Variants in OSBPL2 observed in about 807,000 individuals in gnomAD.
OSBPL2 encodes oxysterol-binding protein-related protein 2.
A neutral mutation model predicts 58.4 loss-of-function variants in OSBPL2; 18 were observed. That is an observed-to-expected ratio of 0.31 (90% CI 0.21 to 0.46). The LOEUF (loss-of-function observed/expected upper bound fraction) is 0.46. Ranked by LOEUF, OSBPL2 falls within the 20% of genes least tolerant of loss-of-function variation. The pLI is 1.00. For synonymous variants in OSBPL2, 221 were observed against 234.1 expected (o/e 0.94, Z 0.51); for missense variants, 461 against 616.5 (o/e 0.75, Z 2.67).
At chr20:62,260,853 G>A (rs1259098396) in intron 3 of OSBPL2, among the ~76,000 whole-genome samples, 1 of 152,092 alleles carries the variant, frequency 6.6e-6, no homozygotes, top group Admixed American at 6.5e-5. Context: ...AGCTGGGCAT[G>A]GTGGTGCACG....
At chr20:62,276,477 C>G (rs920272715) in intron 6 of OSBPL2, among the ~76,000 whole-genome samples, 2 of 152,238 alleles carry the variant, frequency 1.3e-5, no homozygotes, top group South Asian at 4.1e-4. Context: ...CTGTTCCTGG[C>G]TCATCCTGGC....
intron 10 of OSBPL2, 89 bp from the exon 11 acceptor site, chr20:62,286,494 T>C (rs1420242096): frequency 2.1e-6 from 3 of 1,420,582 alleles, no homozygotes; most frequent in Non-Finnish European, 2.9e-6. Flanking sequence ...CTCAGGTGAC[T>C]GGTCTGAAAG....
At chr20:62,282,942 C>T (rs1430410454) in intron 9 of OSBPL2, among the ~76,000 whole-genome samples, 1 of 152,198 alleles carries the variant, frequency 6.6e-6, no homozygotes, top group Non-Finnish European at 1.5e-5. Flanking sequence ...GACCATTTCT[C>T]CCATAAAACA....
chr20:62,278,489 C>T (rs1274167504), intron 6 of OSBPL2: 12 of 155,820 alleles, frequency 7.7e-5, no homozygotes, highest in African/African-American at 3.2e-4. Flanking sequence ...AACATTAGGC[C>T]AAGTGCGATG....
chr20:62,269,411 G>A lies in OSBPL2; in HGVS notation c.259-2714G>A, dbSNP rs746523210. Among the ~76,000 whole-genome samples the A allele has an allele frequency of 8.5e-5, 13 of 152,194 alleles. No homozygotes were observed. The highest frequency in any genetic ancestry group is 2.1e-4 in the South Asian group (1 of 4,836). The stretch of plus-strand genomic sequence containing the variant: ...GCTGCTGGGTCAGGGGCAAATACCC[G>A]TAGAGTTTGCTAGAAGCAGCCCAGT... On this transcript the variant is annotated intron_variant, in intron 4 of 13. Transcript: ENST00000313733. This position sits in a 1 kb window ranked among gnomAD's most constrained non-coding sequence, Gnocchi z 4.2.
Position 62,294,129 on chromosome 20 carries a change from A to G in OSBPL2, c.*242A>G, listed in dbSNP as rs903724174. On this transcript the variant is annotated 3_prime_UTR_variant, in exon 14 of 14. Transcript: ENST00000313733. The stretch of plus-strand genomic sequence containing the variant: ...TCATCGTCTTCATTAAGGTTTCAAC[A>G]GGGAAATTCTTCACGGCGCCCTTTT... 7.4e-5 allele frequency: 42 copies of G among 571,008 alleles called. No individual in the cohort carries two copies. The highest frequency in any genetic ancestry group is 1.5e-4 in the Admixed American group (4 of 27,084). The allele number at this position is 571,008 out of a possible 1,614,324, so 35.4% of individuals were successfully genotyped here.
chr20:62,290,281 G>GC (rs1983406748), intron 12 of OSBPL2, among the ~76,000 whole-genome samples: 1 of 152,180 alleles, frequency 6.6e-6, no homozygotes, highest in East Asian at 1.9e-4. Context: ...TGTAGCCCAG[G>GC]CTGGACTATA....
intron 1 of OSBPL2, chr20:62,255,226 T>C (rs1467565364): frequency 1.3e-5 from 2 of 151,958 alleles, no homozygotes; most frequent in Non-Finnish European, 2.9e-5. Flanking sequence ...GCCTACTGAG[T>C]AGCTGGGATT....
At chr20:62,263,369 G>T (rs1402538686) in intron 3 of OSBPL2, among the ~76,000 whole-genome samples, 1 of 152,136 alleles carries the variant, frequency 6.6e-6, no homozygotes, top group Non-Finnish European at 1.5e-5. Context: ...CAACAGCAGG[G>T]CCACTGCGGG....
chr20:62,267,670 C>T (rs968706066), intron 4 of OSBPL2, among the ~76,000 whole-genome samples: 5 of 152,174 alleles, frequency 3.3e-5, no homozygotes, highest in Admixed American at 3.3e-4. Context: ...GTCTGCGTCT[C>T]TTTTCTCCCT....
Position 62,269,381 on chromosome 20 carries a change from G to T in OSBPL2, c.259-2744G>T, listed in dbSNP as rs1035270863. Reference sequence around the variant, plus strand: ...GGCTCTGTGGGATAGGTTCCTAGAAGTGGGGCTGCTGGGTCAGGGGCAAAT... The same window carrying T: ...GGCTCTGTGGGATAGGTTCCTAGAATTGGGGCTGCTGGGTCAGGGGCAAAT... On this transcript the variant is annotated intron_variant, in intron 4 of 13. Transcript: ENST00000313733. The surrounding 1 kb of genome is among the most constrained non-coding windows in gnomAD (Gnocchi z 4.2). Among the ~76,000 whole-genome samples the T allele has an allele frequency of 6.6e-6, 1 of 152,232 alleles. No individual in the cohort carries two copies. The highest frequency in any genetic ancestry group is 2.1e-4 in the South Asian group (1 of 4,830).
intron 5 of OSBPL2, among the ~76,000 whole-genome samples, chr20:62,272,975 GTGCT>G (rs1194152048): frequency 1.3e-5 from 2 of 152,272 alleles, no homozygotes; most frequent in African/African-American, 2.4e-5. Flanking sequence ...CTGTGAATGA[GTGCT>G]TGGGGTGTGT....
In OSBPL2 at chr20:62,291,498, C is replaced by T. The variant is rs1035763467; in HGVS notation, c.1250-205C>T. 9.8e-6 allele frequency: 6 copies of T among 614,432 alleles called. No individual in the cohort carries two copies. In the Admixed American group the frequency reaches 1.4e-4, roughly 14 times the overall value. 38.1% of individuals were successfully genotyped at this position (614,432 alleles called of 1,614,324 possible). A position where few individuals can be genotyped will look rare whatever the true frequency, so the allele number is the denominator to read the frequency against. ...CATGCAGCCCCCATGCTCTACTCAG[C>T]TCCGCTTGGGAAGGGCCCTGTTGGC... is the stretch of plus-strand genomic sequence containing the variant. On this transcript the variant is annotated intron_variant, in intron 12 of 13. Transcript: ENST00000313733.
intron 7 of OSBPL2, chr20:62,280,057 C>T (rs759209965): frequency 7.1e-5 from 93 of 1,304,186 alleles, no homozygotes; most frequent in Non-Finnish European, 8.6e-5. Context: ...CAACAAATGC[C>T]GGCCGCTAAG....
chr20:62,279,911 T>G (rs1601190915), intron 7 of OSBPL2: 9 of 1,280,228 alleles, frequency 7.0e-6, no homozygotes, highest in Non-Finnish European at 1.0e-6. Flanking sequence ...GTGGCAGGGG[T>G]GACTTAGGGT....
intron 10 of OSBPL2, chr20:62,285,312 C>T (rs1012923353): frequency 6.6e-5 from 10 of 152,322 alleles, no homozygotes; most frequent in African/African-American, 2.2e-4. Flanking sequence ...GACCTAGAAA[C>T]GGGAGTTTTC....
chr20:62,241,172 G>A (rs1601140015), intron 1 of OSBPL2, among the ~76,000 whole-genome samples: 1 of 152,088 alleles, frequency 6.6e-6, no homozygotes, highest in Non-Finnish European at 1.5e-5. Context: ...GATGGGTCTT[G>A]GAATTTTTTT....
chr20:62,260,036 G>A lies in OSBPL2; in HGVS notation c.93G>A (p.Thr31=), dbSNP rs766714179. Residue 31 remains threonine (T), a synonymous_variant, in exon 3 of 14, where the codon ACG becomes ACA. Coordinates refer to ENST00000313733, the MANE Select transcript of OSBPL2 (RefSeq NM_144498.4). ...TTTCAGAGGCAAATCAGAAAGTCAC[G>A]GGAATGATTGACTTAGACACCAGCA... is the stretch of plus-strand genomic sequence containing the variant. The part of the protein sequence containing the change: ...GEFSEANQKV[T]GMIDLDTSKN... 1.5e-5 allele frequency: 24 copies of A among 1,613,204 alleles called. No individual in the cohort carries two copies. The highest frequency in any genetic ancestry group is 8.9e-5 in the East Asian group (4 of 44,878).
chr20:62,290,188 G>C (rs975046467), intron 12 of OSBPL2, among the ~76,000 whole-genome samples: 1 of 152,100 alleles, frequency 6.6e-6, no homozygotes, highest in African/African-American at 2.4e-5. Context: ...TGAAACTCCT[G>C]GCTGAGGAGG....
Sources: allele counts gnomAD v4.1 joint callset (sites outside exome capture counted in the v4.1 genomes callset), GRCh38; gene constraint gnomAD v4.1.1; non-coding constraint Gnocchi (gnomAD v3.1); transcripts MANE v1.5; gene names NCBI Gene and HGNC (gene_info 2026-07-23, HGNC 2026-07-21).